SIPA1L2: variants seen among roughly 807,000 people sequenced by gnomAD.
SIPA1L2 encodes the protein signal-induced proliferation-associated 1-like protein 2.
SIPA1L2 carries 56 observed loss-of-function variants against 163.9 expected under a neutral mutation model. The ratio of observed to expected loss-of-function variants is 0.34; its 90% CI spans 0.28 to 0.43. The LOEUF is 0.43. Among genes scored for constraint, SIPA1L2 ranks in the 20% least tolerant of loss-of-function variants. The probability of loss-of-function intolerance (pLI) is 1.00; values close to 1 mark genes in which losing one functional copy is unlikely to be tolerated. For synonymous variants in SIPA1L2, 877 were observed against 865.7 expected, an observed-to-expected ratio of 1.01 and a Z score of -0.23; for missense variants, 1,974 against 2,193.5, an observed-to-expected ratio of 0.90 and a Z score of 2.00.
chr1:232,628,940 G>C (rs1372612767), intron 1 of SIPA1L2, among the ~76,000 whole-genome samples: 1 of 151,602 alleles, frequency 6.6e-6, no homozygotes, highest in Non-Finnish European at 1.5e-5. Flanking sequence ...TTAAAAAAAA[G>C]CCATCCTTGT....
intron 6 of SIPA1L2, among the ~76,000 whole-genome samples, chr1:232,480,166 T>TGC (rs1481598840): frequency 3.0e-5 from 4 of 132,932 alleles, no homozygotes; most frequent in African/African-American, 6.0e-5. Flanking sequence ...TGTGTGTGTG[T>TGC]GTGTGTGTGT....
At position 232,441,393 on chromosome 1, in the gene SIPA1L2, T is replaced by C; in HGVS notation, c.3540A>G (p.Glu1180=). The part of the protein sequence containing the change: ...EDTMEASRHP[E]TKWHGPPSKV... Reference sequence around the variant, plus strand: ...TGGAAGGTGGGCCATGCCATTTGGTTTCTGTCACATAAAAAGAGAGGAGTT... The same window carrying C: ...TGGAAGGTGGGCCATGCCATTTGGTCTCTGTCACATAAAAAGAGAGGAGTT... The change falls in exon 14 of 23, where the codon GAA becomes GAG. Residue 1180 remains glutamate, a splice_region_variant and synonymous_variant. Coordinates refer to ENST00000674635, the MANE Select transcript of SIPA1L2 (RefSeq NM_020808.5). The C allele has an allele frequency of 6.2e-7, 1 of 1,600,764 alleles. No homozygotes were observed. Among genetic ancestry groups the C allele is most frequent in the Non-Finnish European group, 8.5e-7 (1 of 1,176,280 alleles).
intron 1 of SIPA1L2, among the ~76,000 whole-genome samples, chr1:232,593,720 C>T (rs1490588955): frequency 6.6e-6 from 1 of 152,084 alleles, no homozygotes; most frequent in African/African-American, 2.4e-5. Context: ...CTCAGTAACA[C>T]ACACGCACAC....
At chr1:232,563,372 A>T (rs1659155580) in intron 2 of SIPA1L2, among the ~76,000 whole-genome samples, 1 of 152,180 alleles carries the variant, frequency 6.6e-6, no homozygotes, top group Admixed American at 6.5e-5. Flanking sequence ...CTTACAGCCT[A>T]CACAAGAATA....
intron 4 of SIPA1L2, among the ~76,000 whole-genome samples, chr1:232,492,476 G>A (rs1379176716): frequency 1.3e-5 from 2 of 152,132 alleles, no homozygotes; most frequent in African/African-American, 4.8e-5. Flanking sequence ...CTCCTGAGTA[G>A]CTGGGACAAT....
chr1:232,520,967 A>G (rs1237770851), intron 2 of SIPA1L2, among the ~76,000 whole-genome samples: 1 of 152,240 alleles, frequency 6.6e-6, no homozygotes, highest in African/African-American at 2.4e-5. Context: ...TCAAAGCTAT[A>G]AGACAATTTG....
intron 3 of SIPA1L2, among the ~76,000 whole-genome samples, chr1:232,504,341 C>T (rs1666622893): frequency 6.6e-6 from 1 of 152,160 alleles, no homozygotes; most frequent in Admixed American, 6.5e-5. Flanking sequence ...GAGCTCAAGA[C>T]CAGCCTGGCC....
intron 1 of SIPA1L2, among the ~76,000 whole-genome samples, chr1:232,587,331 C>T (rs1375880809): frequency 6.6e-6 from 1 of 152,012 alleles, no homozygotes; most frequent in East Asian, 1.9e-4. Flanking sequence ...TATCACCACA[C>T]GTATGAGGTA....
At chr1:232,506,566 C>T (rs1235954015) in intron 3 of SIPA1L2, among the ~76,000 whole-genome samples, 2 of 152,166 alleles carry the variant, frequency 1.3e-5, no homozygotes, top group African/African-American at 4.8e-5. Flanking sequence ...AAATTGGTAT[C>T]AAGAGAGGTA....
intron 2 of SIPA1L2, among the ~76,000 whole-genome samples, chr1:232,528,182 T>C (rs529896792): frequency 3.3e-5 from 5 of 151,148 alleles, no homozygotes; most frequent in Non-Finnish European, 7.4e-5. Context: ...TTAACATAAT[T>C]ACATTTATTG....
chr1:232,418,988 T>C (rs1203963981), intron 18 of SIPA1L2, among the ~76,000 whole-genome samples: 1 of 152,194 alleles, frequency 6.6e-6, no homozygotes, highest in Non-Finnish European at 1.5e-5. Flanking sequence ...CATGAAGCTT[T>C]ACATCAAAGA....
chr1:232,488,135 T>C (rs1323299012), intron 5 of SIPA1L2, among the ~76,000 whole-genome samples: 1 of 152,126 alleles, frequency 6.6e-6, no homozygotes, highest in African/African-American at 2.4e-5. Flanking sequence ...GTATACTTAG[T>C]AGAGATGGGT....
intron 1 of SIPA1L2, among the ~76,000 whole-genome samples, chr1:232,613,903 A>T (rs539467417): frequency 6.6e-6 from 1 of 152,200 alleles, no homozygotes; most frequent in Non-Finnish European, 1.5e-5. Context: ...TTTGAAGCAG[A>T]GTCCAGCAAG....
intron 7 of SIPA1L2, among the ~76,000 whole-genome samples, chr1:232,478,425 C>A (rs1438457109): frequency 6.6e-6 from 1 of 152,176 alleles, no homozygotes; most frequent in Non-Finnish European, 1.5e-5. Context: ...TAAGGGGCTT[C>A]TTCCAACTAG....
chr1:232,628,783 A>C (rs188523933), intron 1 of SIPA1L2, among the ~76,000 whole-genome samples: 108 of 152,346 alleles, frequency 7.1e-4, no homozygotes, highest in African/African-American at 2.5e-3. Context: ...TGTCTGTCAT[A>C]AGAAAGCCAT....
chr1:232,606,798 C>G (rs1661946980), intron 1 of SIPA1L2, among the ~76,000 whole-genome samples: 1 of 151,518 alleles, frequency 6.6e-6, no homozygotes, highest in Non-Finnish European at 1.5e-5. Flanking sequence ...CATATAAGAC[C>G]AGCAAATAAT....
chr1:232,539,485 C>T (rs1439430019), intron 2 of SIPA1L2, among the ~76,000 whole-genome samples: 1 of 152,188 alleles, frequency 6.6e-6, no homozygotes, highest in South Asian at 2.1e-4. Context: ...AAGAGATTTC[C>T]CCTTCTGCAT....
At chr1:232,411,184 A>G (rs145266468) in intron 19 of SIPA1L2, among the ~76,000 whole-genome samples, 75 of 152,322 alleles carry the variant, frequency 4.9e-4, no homozygotes, top group Non-Finnish European at 8.5e-4. Flanking sequence ...ATTTAGATTT[A>G]CAGGAAACCA....
rs778961016 is a variant in SIPA1L2 at position 232,425,670 on chromosome 1, T to G, written c.4549A>C (p.Ile1517Leu). ...SVLDQALPNDILFSTTPPYHS... is the reference protein window; with the variant it reads ...SVLDQALPNDLLFSTTPPYHS... Reference sequence around the variant, plus strand: ...TAGGGTGGGGTGGTGCTGAACAGAATGTCGTTGGGCAGGGCCTGGTCAAGC... The same window carrying G: ...TAGGGTGGGGTGGTGCTGAACAGAAGGTCGTTGGGCAGGGCCTGGTCAAGC... Residue 1517 changes from isoleucine to leucine, a missense_variant, in exon 18 of 23, where the codon ATT (isoleucine) becomes CTT (leucine). This residue lies in a region of SIPA1L2 where 1,079 missense variants were observed against 1,150.7 expected (regional missense o/e 0.94). Coordinates refer to ENST00000674635, the MANE Select transcript of SIPA1L2 (RefSeq NM_020808.5). The G allele has an allele frequency of 1.9e-6, 3 of 1,613,544 alleles. No individual in the cohort carries two copies. The highest frequency in any genetic ancestry group is 2.5e-6 in the Non-Finnish European group (3 of 1,179,924).
Sources: allele counts gnomAD v4.1 joint callset (sites outside exome capture counted in the v4.1 genomes callset), GRCh38; gene constraint gnomAD v4.1.1; regional missense constraint gnomAD v4.1.1; transcripts MANE v1.5; gene names NCBI Gene and HGNC (gene_info 2026-07-23, HGNC 2026-07-21).